The following RFX3 variants were observed in gnomAD, a reference collection of about 807,000 sequenced individuals.
RFX3 encodes regulatory factor X3.
In RFX3, 14 loss-of-function variants were observed where a neutral mutation model predicts 98.6. The observed-to-expected ratio is 0.14, with a 90% confidence interval of 0.09 to 0.22. The LOEUF (loss-of-function observed/expected upper bound fraction) is 0.22, where lower values mean the gene tolerates loss of function less well. Among genes scored for constraint, RFX3 ranks in the 10% least tolerant of loss-of-function variants. The probability of loss-of-function intolerance (pLI) is 1.00; values close to 1 mark genes in which losing one functional copy is unlikely to be tolerated. For missense variants in RFX3, 639 were observed against 926.9 expected, an observed-to-expected ratio of 0.69 and a Z score of 4.03; for synonymous variants, 383 against 328.4, an observed-to-expected ratio of 1.17 and a Z score of -1.80.
At chr9:3,465,477 T>C (rs1204076821) in intron 1 of RFX3, among the ~76,000 whole-genome samples, 6 of 131,740 alleles carry the variant, frequency 4.6e-5, no homozygotes, top group Non-Finnish European at 8.5e-5. Context: ...TTTTTTTTTG[T>C]ATTTTTAGTA....
At chr9:3,399,278 A>AAC (rs1444516291) in intron 1 of RFX3, among the ~76,000 whole-genome samples, 2 of 151,002 alleles carry the variant, frequency 1.3e-5, no homozygotes, top group African/African-American at 4.9e-5. Context: ...CTGCTTAAAA[A>AAC]AAAAAAAAAA....
intron 1 of RFX3, among the ~76,000 whole-genome samples, chr9:3,460,370 T>C (rs1441303701): frequency 6.6e-6 from 1 of 152,014 alleles, no homozygotes; most frequent in Non-Finnish European, 1.5e-5. Context: ...TACACCTCAA[T>C]CTATGCATGG....
intron 2 of RFX3, among the ~76,000 whole-genome samples, chr9:3,393,118 G>C (rs1381276211): frequency 6.6e-6 from 1 of 151,948 alleles, no homozygotes; most frequent in Non-Finnish European, 1.5e-5. Context: ...GGCATGCTAA[G>C]GTAATGTTTA....
intron 1 of RFX3, among the ~76,000 whole-genome samples, chr9:3,480,346 T>C (rs1849631717): frequency 6.6e-6 from 1 of 152,182 alleles, no homozygotes; most frequent in African/African-American, 2.4e-5. Context: ...AGGAGAACGG[T>C]CAGATTCTTA....
At chr9:3,244,817 T>C (rs1820426862) in intron 15 of RFX3, among the ~76,000 whole-genome samples, 1 of 152,230 alleles carries the variant, frequency 6.6e-6, no homozygotes, top group Non-Finnish European at 1.5e-5. Flanking sequence ...TATGTGACTA[T>C]GTAAATATGT....
intron 14 of RFX3, among the ~76,000 whole-genome samples, chr9:3,254,922 C>T (rs1319057271): frequency 6.6e-6 from 1 of 152,194 alleles, no homozygotes; most frequent in Non-Finnish European, 1.5e-5. Flanking sequence ...AGCCAGACAA[C>T]ACCTTAATAA....
At chr9:3,394,778 T>C (rs1303108214) in intron 2 of RFX3, 1 of 950,932 alleles carries the variant, frequency 1.1e-6, no homozygotes, top group Non-Finnish European at 1.3e-6. Flanking sequence ...CTCACTTATG[T>C]TCTCACCACT....
intron 11 of RFX3, among the ~76,000 whole-genome samples, chr9:3,268,837 T>G: frequency 6.6e-6 from 1 of 151,988 alleles, no homozygotes; most frequent in East Asian, 1.9e-4. Flanking sequence ...GTTTAATGAA[T>G]ACTGATGTTG....
At chr9:3,394,404 G>A (rs1011200107) in intron 2 of RFX3, among the ~76,000 whole-genome samples, 2 of 152,090 alleles carry the variant, frequency 1.3e-5, no homozygotes, top group South Asian at 2.1e-4. Context: ...CAGAGCTTGC[G>A]GTGAGCCGAG....
chr9:3,329,420 AAAAAAAAAC>A (rs1257762721), intron 4 of RFX3, among the ~76,000 whole-genome samples: 9 of 149,980 alleles, frequency 6.0e-5, no homozygotes, highest in African/African-American at 1.5e-4. Flanking sequence ...AAAAAAAAAA[AAAAAAAAAC>A]AAAAAACCAC....
rs146158693 is a variant in RFX3 at position 3,219,552 on chromosome 9, A to C, written c.*5490T>G. 2 of 152,176 alleles carry C rather than the reference A, an allele frequency of 1.3e-5. No homozygotes were observed. The highest frequency in any genetic ancestry group is 2.4e-5 in the African/African-American group (1 of 41,530). The allele number at this position is 152,176 out of a possible 1,614,324, so 9.4% of individuals were successfully genotyped here. On this transcript the variant is annotated 3_prime_UTR_variant, in exon 17 of 17. Coordinates refer to ENST00000617270, the MANE Select transcript of RFX3 (RefSeq NM_001282116.2). ...TTTCTTTTTAAAAAAACATATTATC[A>C]ATTATTTCAAATGAAAGGAAAAAAA...
chr9:3,275,529 G>A lies in RFX3; in HGVS notation c.1057C>T (p.Leu353=). 1 of 1,609,420 alleles carries A rather than the reference G, an allele frequency of 6.2e-7. No homozygotes were observed. Among genetic ancestry groups the A allele is most frequent in the South Asian group, 1.1e-5 (1 of 90,978 alleles). The change falls in exon 9 of 17, where the codon CTG becomes TTG. Residue 353 remains leucine (L), a synonymous_variant. Transcript: ENST00000617270. Reference sequence around the variant, plus strand: ...CAGTGCTCTCTATAAAGACTCTGCAGTGACTTGATATCCTCAAAGGTAGTA... The same window carrying A: ...CAGTGCTCTCTATAAAGACTCTGCAATGACTTGATATCCTCAAAGGTAGTA... ...DGTTFEDIKS[L]QSLYREHCEA...
chr9:3,507,668 T>C (rs112372398), intron 1 of RFX3, among the ~76,000 whole-genome samples: 12 of 152,082 alleles, frequency 7.9e-5, no homozygotes, highest in Admixed American at 2.6e-4. Flanking sequence ...TAAAATAGCA[T>C]AGTATTTGTG....
At chr9:3,291,636 T>C (rs1238561724) in intron 6 of RFX3, among the ~76,000 whole-genome samples, 1 of 152,058 alleles carries the variant, frequency 6.6e-6, no homozygotes, top group Non-Finnish European at 1.5e-5. Flanking sequence ...TTAAACAAAT[T>C]TGTATCCTTT....
At chr9:3,516,565 C>T (rs1408069408) in intron 1 of RFX3, among the ~76,000 whole-genome samples, 1 of 152,098 alleles carries the variant, frequency 6.6e-6, no homozygotes, top group Non-Finnish European at 1.5e-5. Flanking sequence ...CAAAGGCTCT[C>T]GGAGCTTGTC....
chr9:3,422,702 T>C (rs1263811078), intron 1 of RFX3, among the ~76,000 whole-genome samples: 1 of 152,196 alleles, frequency 6.6e-6, no homozygotes, highest in Admixed American at 6.5e-5. Context: ...AAATAATATA[T>C]ATAATCAAGA....
chr9:3,431,536 A>C (rs899008257), intron 1 of RFX3, among the ~76,000 whole-genome samples: 1 of 152,164 alleles, frequency 6.6e-6, no homozygotes, highest in Non-Finnish European at 1.5e-5. Flanking sequence ...ACTTTTTGCA[A>C]ATTACCCTTT....
At chr9:3,279,853 G>A (rs1825706560) in intron 7 of RFX3, among the ~76,000 whole-genome samples, 1 of 151,786 alleles carries the variant, frequency 6.6e-6, no homozygotes, top group East Asian at 1.9e-4. Context: ...TATACTTAAT[G>A]ATACTGAGTG....
intron 1 of RFX3, among the ~76,000 whole-genome samples, chr9:3,413,074 T>A (rs1842591929): frequency 1.3e-5 from 2 of 151,990 alleles, no homozygotes; most frequent in African/African-American, 4.8e-5. Context: ...ACCTCTCTCC[T>A]TGAGAAATAA....
Sources: gnomAD v4.1 joint callset for allele counts (sites outside exome capture counted in the v4.1 genomes callset) on GRCh38, gnomAD v4.1.1 for gene constraint, MANE v1.5 for transcripts, NCBI Gene and HGNC (gene_info 2026-07-23, HGNC 2026-07-21) for gene names.